The following CLSTN2 variants were observed in gnomAD, a reference collection of about 807,000 sequenced individuals.
CLSTN2 encodes the protein calsyntenin 2, also known as calsyntenin-2.
CLSTN2 carries 48 observed loss-of-function variants against 101.2 expected under a neutral mutation model. The observed-to-expected ratio is 0.47, with a 90% confidence interval of 0.38 to 0.60. The LOEUF (loss-of-function observed/expected upper bound fraction) is 0.60, where lower values mean the gene tolerates loss of function less well. CLSTN2 is among the 20% of genes least tolerant of loss of function. The pLI, the probability that CLSTN2 is intolerant of heterozygous loss-of-function variation, is 0.00. For missense variants in CLSTN2, 1,160 were observed against 1,238.2 expected (o/e 0.94, Z 0.95); for synonymous variants, 481 against 463.6 (o/e 1.04, Z -0.48).
intron 2 of CLSTN2, among the ~76,000 whole-genome samples, chr3:140,397,053 C>G (rs192547345): frequency 2.2e-4 from 34 of 151,970 alleles, no homozygotes; most frequent in African/African-American, 8.0e-4. Context: ...TGTTCATTCA[C>G]TTAAAAAATA....
At chr3:140,063,588 AAAAT>A (rs1204069718) in intron 1 of CLSTN2, among the ~76,000 whole-genome samples, 2 of 152,230 alleles carry the variant, frequency 1.3e-5, no homozygotes, top group Non-Finnish European at 2.9e-5. Context: ...CAGAGTGTGG[AAAAT>A]AAATCTTTTA....
chr3:140,009,699 T>C (rs1364269908), intron 1 of CLSTN2, among the ~76,000 whole-genome samples: 2 of 152,242 alleles, frequency 1.3e-5, no homozygotes, highest in African/African-American at 2.4e-5. Flanking sequence ...TTTTTGTTGT[T>C]ATAAAAATTG....
At chr3:140,454,374 G>A (rs1933339868) in intron 6 of CLSTN2, 1 of 152,134 alleles carries the variant, frequency 6.6e-6, no homozygotes, top group Admixed American at 6.5e-5. Flanking sequence ...GGCAATCCAA[G>A]TTTCTGATTC....
At chr3:140,546,418 C>T (rs2107786651) in intron 9 of CLSTN2, 97 bp from the exon 10 acceptor site, 2 of 1,285,124 alleles carry the variant, frequency 1.6e-6, no homozygotes, top group South Asian at 2.9e-5. Flanking sequence ...AGGGGACACA[C>T]AATCAAGGCG....
intron 2 of CLSTN2, among the ~76,000 whole-genome samples, chr3:140,359,984 C>T (rs558487921): frequency 2.2e-5 from 3 of 134,484 alleles, no homozygotes; most frequent in Non-Finnish European, 1.6e-5. Flanking sequence ...CACATACATA[C>T]ATATTTTATA....
intron 1 of CLSTN2, among the ~76,000 whole-genome samples, chr3:140,091,114 G>A: frequency 6.6e-6 from 1 of 152,084 alleles, no homozygotes; most frequent in East Asian, 1.9e-4. Context: ...TTTTAAACGT[G>A]GGATAATGAC....
At chr3:140,061,789 T>C (rs190166336) in intron 1 of CLSTN2, among the ~76,000 whole-genome samples, 49 of 152,372 alleles carry the variant, frequency 3.2e-4, no homozygotes, top group Admixed American at 1.2e-3. Context: ...TTTCTTGCCA[T>C]AGTGCCTTTG....
chr3:140,234,706 C>T lies in CLSTN2; in HGVS notation c.232+58633C>T, dbSNP rs532128237. 5.3e-5 allele frequency among the ~76,000 whole-genome samples: 8 copies of T among 152,286 alleles called. No individual in the cohort carries two copies. The South Asian group carries it at 6.2e-4, about 12-fold the overall frequency. On this transcript the variant is annotated intron_variant, in intron 2 of 16. Coordinates refer to ENST00000458420, the MANE Select transcript of CLSTN2 (RefSeq NM_022131.3). ...AGGCTTTGGTATATCCCAATGCCTA[C>T]GTGAGAAGATCAGAACTGTGGCTCT...
chr3:140,049,398 T>C (rs1457884235), intron 1 of CLSTN2, among the ~76,000 whole-genome samples: 2 of 152,214 alleles, frequency 1.3e-5, no homozygotes, highest in African/African-American at 4.8e-5. Flanking sequence ...CCAATTATAA[T>C]CTTTAGATTA....
chr3:140,148,937 G>A (rs2009821069), intron 1 of CLSTN2, among the ~76,000 whole-genome samples: 1 of 152,176 alleles, frequency 6.6e-6, no homozygotes, highest in East Asian at 1.9e-4. Context: ...TTAGTAGGCA[G>A]TGGTTTACTA....
At chr3:140,419,146 T>TC (rs934173455) in intron 4 of CLSTN2, among the ~76,000 whole-genome samples, 1 of 151,850 alleles carries the variant, frequency 6.6e-6, no homozygotes, top group African/African-American at 2.4e-5. Flanking sequence ...AGAAGAAAGC[T>TC]CATTTAGGCA....
At chr3:140,509,464 T>G (rs1934761441) in intron 8 of CLSTN2, among the ~76,000 whole-genome samples, 1 of 152,168 alleles carries the variant, frequency 6.6e-6, no homozygotes, top group Non-Finnish European at 1.5e-5. Flanking sequence ...GACCACACTT[T>G]GAGAACCACT....
chr3:140,126,812 G>A, intron 1 of CLSTN2, among the ~76,000 whole-genome samples: 1 of 152,118 alleles, frequency 6.6e-6, no homozygotes, highest in South Asian at 2.1e-4. Flanking sequence ...TCTAGGCTGG[G>A]TGCTGCAGAC....
chr3:140,534,839 G>C (rs1935329442), intron 9 of CLSTN2, among the ~76,000 whole-genome samples: 1 of 152,208 alleles, frequency 6.6e-6, no homozygotes, highest in African/African-American at 2.4e-5. Context: ...ACCACAGTTT[G>C]TCCACCAGGC....
chr3:140,043,391 T>C (rs151140055), intron 1 of CLSTN2, among the ~76,000 whole-genome samples: 82 of 152,300 alleles, frequency 5.4e-4, no homozygotes, highest in African/African-American at 1.9e-3. Context: ...TTCTTGTAAA[T>C]TTGTTTGAGT....
intron 2 of CLSTN2, among the ~76,000 whole-genome samples, chr3:140,334,915 G>A (rs1361028230): frequency 6.6e-6 from 1 of 152,200 alleles, no homozygotes; most frequent in East Asian, 1.9e-4. Context: ...TCAGGAATGT[G>A]CGGTCATCGT....
chr3:140,275,254 C>CT (rs2086782507), intron 2 of CLSTN2, among the ~76,000 whole-genome samples: 1 of 144,498 alleles, frequency 6.9e-6, no homozygotes. Context: ...AAAACCCTTC[C>CT]TTACAGGTAC....
chr3:140,206,292 G>A (rs2107844093), intron 2 of CLSTN2, among the ~76,000 whole-genome samples: 1 of 152,292 alleles, frequency 6.6e-6, no homozygotes, highest in South Asian at 2.1e-4. Context: ...GCAGGAGGCA[G>A]AGGCATGGAG....
intron 2 of CLSTN2, among the ~76,000 whole-genome samples, chr3:140,275,005 G>T (rs896021858): frequency 6.6e-6 from 1 of 152,188 alleles, no homozygotes; most frequent in South Asian, 2.1e-4. Context: ...GAATGGCTTT[G>T]TCTGTAGTTG....
Sources: allele counts gnomAD v4.1 joint callset (sites outside exome capture counted in the v4.1 genomes callset), GRCh38; gene constraint gnomAD v4.1.1; transcripts MANE v1.5; gene names NCBI Gene and HGNC (gene_info 2026-07-23, HGNC 2026-07-21).